The following KIDINS220 variants were observed in gnomAD, a reference collection of about 807,000 sequenced individuals.
The protein encoded by KIDINS220 is kinase D interacting substrate 220.
In KIDINS220, 63 loss-of-function variants were observed where a neutral mutation model predicts 157.6. The observed-to-expected ratio is 0.40, with a 90% CI of 0.33 to 0.49. The LOEUF (loss-of-function observed/expected upper bound fraction) is 0.49, where lower values mean the gene tolerates loss of function less well. KIDINS220 is among the 20% of genes least tolerant of loss of function. KIDINS220 has a pLI of 0.66. For missense variants in KIDINS220, 1,772 were observed against 2,171.2 expected (o/e 0.82, Z 3.65); for synonymous variants, 732 against 783.6 (o/e 0.93, Z 1.10).
At chr2:8,789,852 T>G (rs761588497) in intron 14 of KIDINS220, 28 bp downstream of exon 14, 1 of 1,505,330 alleles carries the variant, frequency 6.6e-7, no homozygotes, top group East Asian at 2.3e-5. Context: ...TTCTCCATTT[T>G]TGAAAAAGAT....
At chr2:8,775,797 G>A (rs1170596213) in intron 21 of KIDINS220, among the ~76,000 whole-genome samples, 3 of 152,144 alleles carry the variant, frequency 2.0e-5, no homozygotes, top group Non-Finnish European at 4.4e-5. Flanking sequence ...GTGTTGATGG[G>A]AGTAATTTTC....
chr2:8,822,037 CAT>C (rs1678044843), intron 2 of KIDINS220, among the ~76,000 whole-genome samples: 1 of 152,210 alleles, frequency 6.6e-6, no homozygotes, highest in Non-Finnish European at 1.5e-5. Context: ...CTCTACTACT[CAT>C]AGTGACTTCA....
chr2:8,762,069 A>G (rs1668807345), intron 22 of KIDINS220, among the ~76,000 whole-genome samples: 1 of 152,216 alleles, frequency 6.6e-6, no homozygotes, highest in East Asian at 1.9e-4. Flanking sequence ...TAATGCTCTT[A>G]CTATATTATA....
chr2:8,769,283 C>T (rs1669871451), intron 22 of KIDINS220, among the ~76,000 whole-genome samples: 1 of 152,104 alleles, frequency 6.6e-6, no homozygotes, highest in Non-Finnish European at 1.5e-5. Context: ...TCTCCTGTGC[C>T]CAAGTTTACA....
At chr2:8,782,813 A>G (rs577184194) in intron 17 of KIDINS220, among the ~76,000 whole-genome samples, 1 of 152,358 alleles carries the variant, frequency 6.6e-6, no homozygotes, top group South Asian at 2.1e-4. Context: ...ATGTATAAAA[A>G]GAATTATACA....
At chr2:8,835,815 C>A (rs1045997226) in intron 1 of KIDINS220, among the ~76,000 whole-genome samples, 16 of 152,176 alleles carry the variant, frequency 1.1e-4, no homozygotes, top group Non-Finnish European at 1.3e-4. Context: ...ACAGCCCTGA[C>A]AAATACAGTA....
At chr2:8,774,349 T>A (rs566549860) in intron 21 of KIDINS220, among the ~76,000 whole-genome samples, 55 of 147,446 alleles carry the variant, frequency 3.7e-4, no homozygotes, top group African/African-American at 1.4e-3. Context: ...CTTTGCCAGG[T>A]GGATTTTAAA....
At chr2:8,725,956 T>C (rs1206749009), downstream of KIDINS220, among the ~76,000 whole-genome samples, 1 of 152,200 alleles carries the variant, frequency 6.6e-6, no homozygotes, top group Non-Finnish European at 1.5e-5. Flanking sequence ...TGGACTTACG[T>C]GCAATCTTGG....
chr2:8,820,597 G>T (rs116794347), intron 2 of KIDINS220, among the ~76,000 whole-genome samples: 2,342 of 152,180 alleles, frequency 0.015, 58 homozygotes, highest in African/African-American at 0.052. Flanking sequence ...TGTAAGGATG[G>T]ATGCTAAATT....
intron 26 of KIDINS220, among the ~76,000 whole-genome samples, chr2:8,741,857 C>T (rs1665672128): frequency 6.6e-6 from 1 of 152,120 alleles, no homozygotes; most frequent in Non-Finnish European, 1.5e-5. Flanking sequence ...AATACTTTTC[C>T]AAATTCAAAC....
rs547365823 is a variant in KIDINS220 at position 8,825,568 on chromosome 2, C to T, written c.108+1418G>A. Among the ~76,000 whole-genome samples, 8 of 151,722 alleles carry T rather than the reference C, an allele frequency of 5.3e-5. 1 individual carries two copies. The highest frequency in any genetic ancestry group is 1.9e-4 in the African/African-American group (8 of 41,340). On this transcript the variant is annotated intron_variant, in intron 2 of 29. Coordinates refer to ENST00000256707, the MANE Select transcript of KIDINS220 (RefSeq NM_020738.4). ...AGATATATATGTAAGCAAATATATA[C>T]AAACACATAAGTATATATACATACA...
intron 28 of KIDINS220, 95 bp from the exon 29 acceptor site, chr2:8,733,775 C>G: frequency 1.2e-6 from 1 of 802,504 alleles, no homozygotes; most frequent in Non-Finnish European, 1.9e-6. Flanking sequence ...AAAGCTATTG[C>G]AACAGCAATG....
At chr2:8,740,178 C>T (rs1197653332) in intron 26 of KIDINS220, 1 of 983,990 alleles carries the variant, frequency 1.0e-6, no homozygotes, top group Non-Finnish European at 1.2e-6. Flanking sequence ...AACCCAGAGT[C>T]ACACAGCTTT....
chr2:8,817,964 C>A (rs1342300607), intron 3 of KIDINS220, among the ~76,000 whole-genome samples: 3 of 152,158 alleles, frequency 2.0e-5, no homozygotes, highest in Non-Finnish European at 4.4e-5. Flanking sequence ...AACTTCTAAT[C>A]ATATACTGCG....
intron 6 of KIDINS220, among the ~76,000 whole-genome samples, chr2:8,806,947 C>G (rs140790240): frequency 6.6e-6 from 1 of 152,146 alleles, no homozygotes; most frequent in African/African-American, 2.4e-5. Context: ...AAATTTTCAA[C>G]AAGCTTTCAT....
intron 1 of KIDINS220, among the ~76,000 whole-genome samples, chr2:8,832,333 T>C (rs1436522891): frequency 6.6e-6 from 1 of 152,220 alleles, no homozygotes; most frequent in Non-Finnish European, 1.5e-5. Context: ...TTATTAAATG[T>C]CATAAGATGT....
Position 8,806,324 on chromosome 2 carries a change from C to G in KIDINS220, c.550G>C (p.Glu184Gln). The change falls in exon 7 of 30, where the codon GAA becomes CAA. Residue 184 changes from glutamate (E) to glutamine (Q), a missense_variant. By Grantham distance (29) the Glu-to-Gln change is conservative (BLOSUM62 2). Transcript: ENST00000256707. ...ATGGCCAATAAATGTTTCACACATTCCAAATGACCCTTTCGTGCAGCCCAA... is the reference window on the plus strand; with the variant it reads ...ATGGCCAATAAATGTTTCACACATTGCAAATGACCCTTTCGTGCAGCCCAA... ...LVWAARKGHL[E>Q]CVKHLLAMGA... The G allele has an allele frequency of 6.2e-7, 1 of 1,611,030 alleles. No individual in the cohort carries two copies. The highest frequency in any genetic ancestry group is 8.5e-7 in the Non-Finnish European group (1 of 1,178,296).
At chr2:8,822,691 C>T (rs72786363) in intron 2 of KIDINS220, among the ~76,000 whole-genome samples, 9,765 of 152,220 alleles carry the variant, frequency 0.064, 371 homozygotes, top group Middle Eastern at 0.16. Flanking sequence ...TTTAAAGTCT[C>T]AGTTCATTTT....
At chr2:8,768,117 A>G (rs1669705057) in intron 22 of KIDINS220, among the ~76,000 whole-genome samples, 1 of 152,162 alleles carries the variant, frequency 6.6e-6, no homozygotes, top group Non-Finnish European at 1.5e-5. Context: ...AACCACTATC[A>G]TTCTGCTTTA....
Sources: gnomAD v4.1 joint callset for allele counts (sites outside exome capture counted in the v4.1 genomes callset) on GRCh38, gnomAD v4.1.1 for gene constraint, MANE v1.5 for transcripts, NCBI Gene and HGNC (gene_info 2026-07-23, HGNC 2026-07-21) for gene names.